CNTNAP2: variants seen among roughly 807,000 people sequenced by gnomAD.
CNTNAP2 encodes the protein contactin associated protein 2, also known as contactin-associated protein-like 2.
A neutral mutation model predicts 155.2 loss-of-function variants in CNTNAP2; 98 were observed. The ratio of observed to expected loss-of-function variants is 0.63; its 90% CI spans 0.54 to 0.75. CNTNAP2 has a LOEUF of 0.75. Ranked by LOEUF, CNTNAP2 falls within the 30% of genes least tolerant of loss-of-function variation. CNTNAP2 has a pLI of 0.00. For synonymous variants in CNTNAP2, 651 were observed against 631.2 expected (o/e 1.03, Z -0.47); for missense variants, 1,727 against 1,688.1 (o/e 1.02, Z -0.40).
At chr7:146,421,908 A>G (rs1270505040) in intron 1 of CNTNAP2, among the ~76,000 whole-genome samples, 1 of 151,676 alleles carries the variant, frequency 6.6e-6, no homozygotes, top group African/African-American at 2.4e-5. Flanking sequence ...TTTTTTACAC[A>G]TTGGACTTTT....
At chr7:146,334,037 C>A (rs536961811) in intron 1 of CNTNAP2, among the ~76,000 whole-genome samples, 97 of 152,304 alleles carry the variant, frequency 6.4e-4, no homozygotes, top group Non-Finnish European at 8.4e-4. Flanking sequence ...CAGTCTCCAC[C>A]ATAGCAGAAG....
intron 13 of CNTNAP2, among the ~76,000 whole-genome samples, chr7:147,641,244 G>C (rs1795273628): frequency 6.6e-6 from 1 of 152,138 alleles, no homozygotes; most frequent in East Asian, 1.9e-4. Context: ...CTTCTATAAC[G>C]ATAGTACACA....
chr7:146,510,723 A>AT (rs149151926), intron 1 of CNTNAP2, among the ~76,000 whole-genome samples: 22 of 144,262 alleles, frequency 1.5e-4, no homozygotes, highest in Middle Eastern at 3.7e-3. Context: ...ATTCCCAGGT[A>AT]TTTTTTTTTT....
At chr7:146,903,195 C>T (rs1490625738) in intron 3 of CNTNAP2, among the ~76,000 whole-genome samples, 3 of 152,106 alleles carry the variant, frequency 2.0e-5, no homozygotes, top group Non-Finnish European at 4.4e-5. Context: ...ATGCACAGTG[C>T]GATCAAATAT....
At chr7:146,670,142 C>G (rs919184096) in intron 1 of CNTNAP2, among the ~76,000 whole-genome samples, 4 of 152,074 alleles carry the variant, frequency 2.6e-5, no homozygotes, top group Admixed American at 6.6e-5. Flanking sequence ...TAGGAAGAAC[C>G]AGATACTACT....
At chr7:146,254,783 A>C (rs1799812557) in intron 1 of CNTNAP2, among the ~76,000 whole-genome samples, 1 of 152,162 alleles carries the variant, frequency 6.6e-6, no homozygotes, top group African/African-American at 2.4e-5. Flanking sequence ...GAAAAAGATG[A>C]TCAGAACTCT....
intron 3 of CNTNAP2, among the ~76,000 whole-genome samples, chr7:146,960,041 C>T (rs1050579367): frequency 7.2e-5 from 11 of 152,152 alleles, no homozygotes; most frequent in Admixed American, 4.6e-4. Flanking sequence ...CAAATGTTTT[C>T]GTGTCACCTG....
intron 20 of CNTNAP2, among the ~76,000 whole-genome samples, chr7:148,266,270 A>C (rs1462063519): frequency 6.6e-6 from 1 of 152,222 alleles, no homozygotes; most frequent in Admixed American, 6.5e-5. Context: ...AGGCCCAGAA[A>C]GCTCTAAGAG....
chr7:146,921,578 C>T (rs1000083795), intron 3 of CNTNAP2, among the ~76,000 whole-genome samples: 2 of 152,030 alleles, frequency 1.3e-5, no homozygotes, highest in African/African-American at 4.8e-5. Flanking sequence ...AGCAGAGTCA[C>T]GTTTTACATG....
chr7:148,059,147 G>C (rs967928057), intron 15 of CNTNAP2, among the ~76,000 whole-genome samples: 1 of 152,090 alleles, frequency 6.6e-6, no homozygotes, highest in Admixed American at 6.6e-5. Context: ...AATTAGCTGG[G>C]CGTGGTGGTA....
intron 11 of CNTNAP2, among the ~76,000 whole-genome samples, chr7:147,498,947 T>TA (rs11463553): frequency 0.22 from 33,604 of 151,144 alleles, 3,894 homozygotes; most frequent in African/African-American, 0.25. Context: ...CATGTGGTAA[T>TA]AAAAAAAAAA....
In CNTNAP2 at chr7:146,339,546, G is replaced by T. The variant is rs1443158383; in HGVS notation, c.97+222573G>T. Among the ~76,000 whole-genome samples, 4 of 152,068 alleles carry T rather than the reference G, an allele frequency of 2.6e-5. No individual in the cohort carries two copies. The East Asian group carries it at 7.7e-4, about 29-fold the overall frequency. On this transcript the variant is annotated intron_variant, in intron 1 of 23. Coordinates refer to ENST00000361727, the MANE Select transcript of CNTNAP2 (RefSeq NM_014141.6). ...TGTTGAATGTTTGTATATTGAACTT[G>T]CATATTCTATTAATACCATCTCTGG...
intron 12 of CNTNAP2, among the ~76,000 whole-genome samples, chr7:147,579,994 G>A (rs763838586): frequency 1.3e-5 from 2 of 152,038 alleles, no homozygotes; most frequent in Non-Finnish European, 2.9e-5. Context: ...TTATCTAAAT[G>A]CAAAGAAGTC....
At chr7:148,073,107 A>G (rs1432244790) in intron 15 of CNTNAP2, among the ~76,000 whole-genome samples, 2 of 152,212 alleles carry the variant, frequency 1.3e-5, no homozygotes, top group Non-Finnish European at 2.9e-5. Flanking sequence ...TAGAAAATCT[A>G]CAGACATTGA....
At chr7:148,401,393 T>C (rs1181352667) in intron 22 of CNTNAP2, among the ~76,000 whole-genome samples, 2 of 152,208 alleles carry the variant, frequency 1.3e-5, no homozygotes, top group African/African-American at 4.8e-5. Flanking sequence ...CAATCAATAC[T>C]TTACAAGTGC....
intron 11 of CNTNAP2, among the ~76,000 whole-genome samples, chr7:147,518,006 A>G (rs1000413278): frequency 6.6e-6 from 1 of 152,140 alleles, no homozygotes; most frequent in Non-Finnish European, 1.5e-5. Context: ...ATCATGGCTC[A>G]CTGCAACCTC....
intron 1 of CNTNAP2, among the ~76,000 whole-genome samples, chr7:146,492,582 C>CT (rs1797157063): frequency 6.6e-6 from 1 of 152,158 alleles, no homozygotes. Flanking sequence ...GTACGCAACT[C>CT]TAAGACAGAT....
At chr7:147,151,047 C>T (rs966957459) in intron 8 of CNTNAP2, among the ~76,000 whole-genome samples, 5 of 152,142 alleles carry the variant, frequency 3.3e-5, no homozygotes, top group African/African-American at 1.2e-4. Context: ...ATTGTCCCAA[C>T]ACATTGTGAA....
At chr7:146,347,229 GA>G (rs1248493602) in intron 1 of CNTNAP2, among the ~76,000 whole-genome samples, 2 of 151,148 alleles carry the variant, frequency 1.3e-5, no homozygotes, top group African/African-American at 4.9e-5. Flanking sequence ...AGATGGAGGA[GA>G]AAAAAAGATT....
Sources: gnomAD v4.1 joint callset for allele counts (sites outside exome capture counted in the v4.1 genomes callset) on GRCh38, gnomAD v4.1.1 for gene constraint, MANE v1.5 for transcripts, NCBI Gene and HGNC (gene_info 2026-07-23, HGNC 2026-07-21) for gene names.